The following CAMK1G variants were observed in gnomAD, a reference collection of about 807,000 sequenced individuals.
The protein encoded by CAMK1G is calcium/calmodulin-dependent protein kinase type 1G.
CAMK1G carries 27 observed loss-of-function variants against 54.8 expected under a neutral mutation model. That is an observed-to-expected ratio of 0.49 (90% CI 0.36 to 0.68). The LOEUF (loss-of-function observed/expected upper bound fraction) is 0.68. CAMK1G is among the 30% of genes least tolerant of loss of function. CAMK1G has a pLI of 0.00. For synonymous variants in CAMK1G, 238 were observed against 224.9 expected (o/e 1.06, Z -0.52); for missense variants, 512 against 591.0 (o/e 0.87, Z 1.39).
intron 1 of CAMK1G, among the ~76,000 whole-genome samples, chr1:209,588,389 T>C (rs1571770549): frequency 6.6e-6 from 1 of 151,100 alleles, no homozygotes; most frequent in Non-Finnish European, 1.5e-5. Flanking sequence ...TTGGATTGGA[T>C]TGGATTGGAT....
At chr1:209,594,623 A>G (rs921912835) in intron 1 of CAMK1G, among the ~76,000 whole-genome samples, 14 of 152,336 alleles carry the variant, frequency 9.2e-5, no homozygotes, top group African/African-American at 3.4e-4. Flanking sequence ...TGTGACTATC[A>G]TTTGGAAAAC....
At position 209,583,750 on chromosome 1, in the gene CAMK1G, C is replaced by G. The variant is rs1665022346; in HGVS notation, c.-52C>G. The G allele has an allele frequency of 6.6e-6, 1 of 152,352 alleles. No individual in the cohort carries two copies. Among genetic ancestry groups the G allele is most frequent in the South Asian group, 2.1e-4 (1 of 4,826 alleles). The allele number at this position is 152,352 out of a possible 1,614,324, so 9.4% of individuals were successfully genotyped here. On this transcript the variant is annotated 5_prime_UTR_variant, in exon 1 of 13. Coordinates refer to ENST00000361322, the MANE Select transcript of CAMK1G (RefSeq NM_020439.3). ...GTAGGAGCTGGAGTGGGAGCTCAAG[C>G]AGGATTCTTCCCGAGTCCCTGGGTA...
At chr1:209,584,562 A>C (rs528019418) in intron 1 of CAMK1G, among the ~76,000 whole-genome samples, 2 of 152,046 alleles carry the variant, frequency 1.3e-5, no homozygotes, top group African/African-American at 4.8e-5. Context: ...ACCCCCATCC[A>C]CACCATGGCC....
intron 8 of CAMK1G, among the ~76,000 whole-genome samples, chr1:209,609,402 C>G (rs931183502): frequency 6.6e-6 from 1 of 152,126 alleles, no homozygotes; most frequent in Non-Finnish European, 1.5e-5. Flanking sequence ...CAGACAAGAG[C>G]AGCAAAACTA....
At chr1:209,608,843 C>T in intron 7 of CAMK1G, 137 bp from the exon 8 acceptor site, 1 of 1,236,650 alleles carries the variant, frequency 8.1e-7, no homozygotes, top group Non-Finnish European at 1.1e-6. Flanking sequence ...TGAGGCAGAT[C>T]TGCGTCCTGG....
chr1:209,586,191 A>G lies in CAMK1G; in HGVS notation c.-30+2419A>G, dbSNP rs551659357. Among the ~76,000 whole-genome samples, 3 of 152,280 alleles carry G rather than the reference A, an allele frequency of 2.0e-5. No individual in the cohort carries two copies. In the East Asian group the frequency reaches 5.8e-4, roughly 29 times the overall value. ...CTAGCTGGGAAGGTTAATAGTAATG[A>G]GCGTCCAACCTGTACAAAAGAGGCA... On this transcript the variant is annotated intron_variant, in intron 1 of 12. Transcript: ENST00000361322.
chr1:209,588,168 C>T (rs1053282506), intron 1 of CAMK1G, among the ~76,000 whole-genome samples: 1 of 152,164 alleles, frequency 6.6e-6, no homozygotes, highest in African/African-American at 2.4e-5. Flanking sequence ...GTGGCTCTTC[C>T]CATGGGTAGA....
chr1:209,586,758 C>T (rs189920132), intron 1 of CAMK1G, among the ~76,000 whole-genome samples: 1 of 152,166 alleles, frequency 6.6e-6, no homozygotes, highest in East Asian at 1.9e-4. Context: ...GAAACCAAGG[C>T]CCAATATACT....
intron 2 of CAMK1G, among the ~76,000 whole-genome samples, chr1:209,595,578 C>T (rs1361124704): frequency 6.6e-6 from 1 of 152,168 alleles, no homozygotes; most frequent in Non-Finnish European, 1.5e-5. Context: ...TTGGAGAGCA[C>T]TTCTGGAGGT....
chr1:209,610,356 A>G (rs1323622467), intron 9 of CAMK1G, among the ~76,000 whole-genome samples: 1 of 152,214 alleles, frequency 6.6e-6, no homozygotes, highest in Non-Finnish European at 1.5e-5. Context: ...AGGAAAAAGA[A>G]AATCTTAAAA....
Position 209,605,601 on chromosome 1 carries a change from G to C in CAMK1G, c.362G>C (p.Ser121Thr). Reference protein sequence around the residue: ...ERGVYTEKDASLVIQQVLSAV... With the variant: ...ERGVYTEKDATLVIQQVLSAV... Reference sequence around the variant, plus strand: ...GGTGTCTACACAGAGAAGGATGCCAGTCTGGTGATCCAGCAGGTCTTGTCG... The same window carrying C: ...GGTGTCTACACAGAGAAGGATGCCACTCTGGTGATCCAGCAGGTCTTGTCG... Residue 121 changes from serine (S) to threonine (T), a missense_variant, in exon 5 of 13, where the codon AGT (serine) becomes ACT (threonine). This residue lies in a region of CAMK1G where 186 missense variants were observed against 231.5 expected (regional missense o/e 0.80). Transcript: ENST00000361322. 6.2e-7 allele frequency: 1 copy of C among 1,614,170 alleles called. No individual in the cohort carries two copies. The highest frequency in any genetic ancestry group is 8.5e-7 in the Non-Finnish European group (1 of 1,180,010).
At chr1:209,588,349 GCGGAATGGATTGGATTGGAT>G in intron 1 of CAMK1G, among the ~76,000 whole-genome samples, 1 of 149,430 alleles carries the variant, frequency 6.7e-6, no homozygotes, top group Admixed American at 6.8e-5. Flanking sequence ...TTAGAGTGGA[GCGGAATGGATTGGATTGGAT>G]TGGATTGGAT....
chr1:209,602,816 A>G (rs1238053398), intron 3 of CAMK1G, among the ~76,000 whole-genome samples: 1 of 152,182 alleles, frequency 6.6e-6, no homozygotes, highest in Admixed American at 6.5e-5. Context: ...GATATGGGAT[A>G]CTCAACCTGT....
chr1:209,586,909 A>G (rs1051602189), intron 1 of CAMK1G, among the ~76,000 whole-genome samples: 17 of 152,296 alleles, frequency 1.1e-4, no homozygotes, highest in African/African-American at 4.1e-4. Flanking sequence ...TAAGCAACAC[A>G]TAAATTATGG....
intron 6 of CAMK1G, 48 bp downstream of exon 6, chr1:209,606,491 C>A (rs772390239): frequency 3.8e-6 from 6 of 1,596,052 alleles, no homozygotes. Flanking sequence ...TACATTCAAC[C>A]ACATGCCTAT....
intron 1 of CAMK1G, among the ~76,000 whole-genome samples, chr1:209,585,020 G>A (rs1665060509): frequency 6.6e-6 from 1 of 152,194 alleles, no homozygotes; most frequent in Non-Finnish European, 1.5e-5. Context: ...TTGAAGCTTA[G>A]AAGTTAAAGG....
At chr1:209,595,722 C>G (rs1665363600) in intron 2 of CAMK1G, among the ~76,000 whole-genome samples, 2 of 152,220 alleles carry the variant, frequency 1.3e-5, no homozygotes. Flanking sequence ...TCACACACAC[C>G]TGAATCAGCC....
chr1:209,604,775 C>A (rs754480722), intron 4 of CAMK1G, among the ~76,000 whole-genome samples: 9 of 152,206 alleles, frequency 5.9e-5, no homozygotes, highest in Non-Finnish European at 1.3e-4. Context: ...TTGTTCTGTG[C>A]AGTCCCGATG....
At chr1:209,592,525 C>T (rs1465079506) in intron 1 of CAMK1G, among the ~76,000 whole-genome samples, 1 of 152,136 alleles carries the variant, frequency 6.6e-6, no homozygotes, top group African/African-American at 2.4e-5. Context: ...CTCGAGGCCT[C>T]CCCATGATTC....
Sources: gnomAD v4.1 joint callset for allele counts (sites outside exome capture counted in the v4.1 genomes callset) on GRCh38, gnomAD v4.1.1 for gene constraint, gnomAD v4.1.1 regional missense constraint, MANE v1.5 for transcripts, NCBI Gene and HGNC (gene_info 2026-07-23, HGNC 2026-07-21) for gene names.